TOM1L2: variants seen among roughly 807,000 people sequenced by gnomAD.
TOM1L2 encodes the protein TOM1-like protein 2.
A neutral mutation model predicts 67.9 loss-of-function variants in TOM1L2; 31 were observed. That is an observed-to-expected ratio of 0.46 (90% confidence interval 0.34 to 0.62). The LOEUF is 0.62. TOM1L2 is among the 20% of genes least tolerant of loss of function. The pLI is 0.01. For missense variants in TOM1L2, 606 were observed against 663.5 expected (o/e 0.91, Z 0.95); for synonymous variants, 256 against 254.0 (o/e 1.01, Z -0.07).
rs566173566 is a variant in TOM1L2 at position 17,874,404 on chromosome 17, A to G, written c.778-4931T>C. On this transcript the variant is annotated intron_variant, in intron 7 of 14. Transcript: ENST00000379504. ...TCCTGCCTTAGCCTCCCAAGTAGCT[A>G]GGATTACAGGCACCCGCCACCACAC... Among the ~76,000 whole-genome samples, 695 of 151,898 alleles carry G rather than the reference A, an allele frequency of 4.6e-3. 3 individuals are homozygous for G. Among genetic ancestry groups the G allele is most frequent in the Non-Finnish European group, 8.0e-3 (540 of 67,870 alleles).
At chr17:17,946,713 G>T (rs2040966522) in intron 1 of TOM1L2, among the ~76,000 whole-genome samples, 1 of 151,974 alleles carries the variant, frequency 6.6e-6, no homozygotes, top group Non-Finnish European at 1.5e-5. Flanking sequence ...TCATTATATT[G>T]GTCTAAGTAT....
At chr17:17,902,670 A>G (rs1186090376) in intron 2 of TOM1L2, among the ~76,000 whole-genome samples, 1 of 152,268 alleles carries the variant, frequency 6.6e-6, no homozygotes, top group Non-Finnish European at 1.5e-5. Flanking sequence ...CAGACAGGGT[A>G]AGGGCAGTGA....
At chr17:17,925,934 G>A (rs1396431415) in intron 1 of TOM1L2, among the ~76,000 whole-genome samples, 1 of 151,656 alleles carries the variant, frequency 6.6e-6, no homozygotes, top group Non-Finnish European at 1.5e-5. Context: ...ACTTTGGAAG[G>A]CCAAGGCAGG....
chr17:17,931,372 G>A (rs1033326937), intron 1 of TOM1L2, among the ~76,000 whole-genome samples: 3 of 152,202 alleles, frequency 2.0e-5, no homozygotes, highest in Admixed American at 6.5e-5. Flanking sequence ...GATCTTTGGA[G>A]TCAGACCAAT....
intron 1 of TOM1L2, among the ~76,000 whole-genome samples, chr17:17,912,979 C>G (rs986433553): frequency 6.6e-6 from 1 of 152,218 alleles, no homozygotes; most frequent in Non-Finnish European, 1.5e-5. Flanking sequence ...CGGTTAGGAG[C>G]TGGAGACCGG....
chr17:17,878,026 C>T (rs886221123), intron 7 of TOM1L2, among the ~76,000 whole-genome samples: 1 of 152,236 alleles, frequency 6.6e-6, no homozygotes, highest in African/African-American at 2.4e-5. Context: ...GAGCAAATCC[C>T]CCCTGTCAGC....
At chr17:17,880,461 G>A (rs2037665218) in intron 6 of TOM1L2, among the ~76,000 whole-genome samples, 1 of 152,220 alleles carries the variant, frequency 6.6e-6, no homozygotes. Context: ...CTTGCCCTCA[G>A]TCCTGTGCCT....
chr17:17,954,204 AGGAG>A (rs1158225721), intron 1 of TOM1L2, among the ~76,000 whole-genome samples: 9 of 152,216 alleles, frequency 5.9e-5, no homozygotes, highest in Non-Finnish European at 1.5e-5. Flanking sequence ...AGCACAGAAA[AGGAG>A]GGAGTGGGAA....
chr17:17,962,833 T>C (rs2041741859), intron 1 of TOM1L2, among the ~76,000 whole-genome samples: 1 of 151,840 alleles, frequency 6.6e-6, no homozygotes, highest in Non-Finnish European at 1.5e-5. Context: ...TGGTGGCGCG[T>C]GCCTGTAGTC....
At chr17:17,896,694 C>G (rs747997662) in intron 3 of TOM1L2, among the ~76,000 whole-genome samples, 20 of 152,122 alleles carry the variant, frequency 1.3e-4, no homozygotes, top group Non-Finnish European at 2.5e-4. Context: ...CAGAATGAAG[C>G]CAAAAGCCAT....
chr17:17,928,347 G>T (rs939440159), intron 1 of TOM1L2, among the ~76,000 whole-genome samples: 1 of 152,208 alleles, frequency 6.6e-6, no homozygotes. Flanking sequence ...AGGCAAAAAC[G>T]CTACGTGGCT....
At chr17:17,951,019 T>G (rs1190275551) in intron 1 of TOM1L2, among the ~76,000 whole-genome samples, 1 of 152,158 alleles carries the variant, frequency 6.6e-6, no homozygotes, top group Non-Finnish European at 1.5e-5. Context: ...CCTGGCAGGA[T>G]GTCTCCAGGG....
At chr17:17,937,859 T>C (rs1395650389) in intron 1 of TOM1L2, among the ~76,000 whole-genome samples, 1 of 152,200 alleles carries the variant, frequency 6.6e-6, no homozygotes, top group East Asian at 1.9e-4. Flanking sequence ...CTCCAAATCA[T>C]AGCTCTTAAG....
intron 7 of TOM1L2, among the ~76,000 whole-genome samples, chr17:17,876,766 T>C (rs2037445442): frequency 1.3e-5 from 2 of 152,334 alleles, no homozygotes; most frequent in African/African-American, 4.8e-5. Context: ...CATTAATTCA[T>C]AGGCCTGTGT....
chr17:17,912,362 G>A (rs557723015), intron 1 of TOM1L2, among the ~76,000 whole-genome samples: 2 of 151,184 alleles, frequency 1.3e-5, no homozygotes, highest in African/African-American at 4.9e-5. Flanking sequence ...GGTGGCTGCC[G>A]GGCGGAGAGG....
chr17:17,945,268 AC>A (rs2040894265), intron 1 of TOM1L2, among the ~76,000 whole-genome samples: 1 of 126,796 alleles, frequency 7.9e-6, no homozygotes, highest in Non-Finnish European at 1.6e-5. Flanking sequence ...ACACACACAT[AC>A]ACACACACAC....
chr17:17,932,155 T>G (rs1308967818), intron 1 of TOM1L2, among the ~76,000 whole-genome samples: 1 of 152,244 alleles, frequency 6.6e-6, no homozygotes, highest in Non-Finnish European at 1.5e-5. Flanking sequence ...CTTTCATGGG[T>G]GAGATGTTCT....
intron 1 of TOM1L2, among the ~76,000 whole-genome samples, chr17:17,969,677 T>G (rs529517114): frequency 2.6e-5 from 4 of 152,158 alleles, no homozygotes; most frequent in Non-Finnish European, 4.4e-5. Context: ...CCTTCACAGG[T>G]CACAGACGGG....
chr17:17,948,123 C>T (rs1233237059), intron 1 of TOM1L2, among the ~76,000 whole-genome samples: 1 of 152,188 alleles, frequency 6.6e-6, no homozygotes, highest in Non-Finnish European at 1.5e-5. Flanking sequence ...TATCATGATA[C>T]AATGTTTGTC....
Sources: allele counts gnomAD v4.1 joint callset (sites outside exome capture counted in the v4.1 genomes callset), GRCh38; gene constraint gnomAD v4.1.1; transcripts MANE v1.5; gene names NCBI Gene and HGNC (gene_info 2026-07-23, HGNC 2026-07-21).